Variants in SLC13A3 observed in about 807,000 individuals in gnomAD.
SLC13A3 encodes Na(+)/dicarboxylate cotransporter 3.
SLC13A3 carries 40 observed loss-of-function variants against 59.0 expected under a neutral mutation model. The ratio of observed to expected loss-of-function variants is 0.68; its 90% confidence interval spans 0.53 to 0.88. The LOEUF (loss-of-function observed/expected upper bound fraction) is 0.88, where lower values mean the gene tolerates loss of function less well. Ranked by LOEUF, SLC13A3 falls within the 40% of genes least tolerant of loss-of-function variation. The probability of loss-of-function intolerance (pLI) is 0.00; values close to 1 mark genes in which losing one functional copy is unlikely to be tolerated. For synonymous variants in SLC13A3, 317 were observed against 330.3 expected (o/e 0.96, Z 0.44); for missense variants, 699 against 783.2 (o/e 0.89, Z 1.28).
intron 1 of SLC13A3, among the ~76,000 whole-genome samples, chr20:46,640,275 C>T (rs534177599): frequency 5.8e-4 from 88 of 152,274 alleles, no homozygotes; most frequent in African/African-American, 2.1e-3. Context: ...TCGAAGTCCT[C>T]TCTCTGCGCA....
chr20:46,623,838 A>G (rs968925300), intron 1 of SLC13A3, among the ~76,000 whole-genome samples: 2 of 152,228 alleles, frequency 1.3e-5, no homozygotes, highest in Non-Finnish European at 2.9e-5. Flanking sequence ...GCTCTATTTT[A>G]CTGATGGGAC....
At position 46,648,401 on chromosome 20, in the gene SLC13A3, T is replaced by C. The variant is rs147780628; in HGVS notation, c.111+2910A>G. ...TGACAATCATATAAATATTGTTATA[T>C]GGGAGAGGAGGCTTCAGGTATGCCA... On this transcript the variant is annotated intron_variant, in intron 1 of 12. Transcript: ENST00000279027. Among the ~76,000 whole-genome samples, 925 of 152,256 alleles carry C rather than the reference T, an allele frequency of 6.1e-3. 14 individuals are homozygous for C. Among genetic ancestry groups the C allele is most frequent in the African/African-American group, 0.021 (872 of 41,528 alleles).
At chr20:46,620,601 A>T (rs1042944989) in intron 1 of SLC13A3, among the ~76,000 whole-genome samples, 1 of 152,214 alleles carries the variant, frequency 6.6e-6, no homozygotes, top group Non-Finnish European at 1.5e-5. Context: ...CAAATGGATA[A>T]TTTGTTTTAG....
intron 9 of SLC13A3, among the ~76,000 whole-genome samples, chr20:46,579,622 A>T (rs2745734): frequency 0.011 from 1,673 of 152,318 alleles, 34 homozygotes; most frequent in African/African-American, 0.039. Flanking sequence ...CCCACTGGGA[A>T]ATGCTGGAAA....
intron 4 of SLC13A3, among the ~76,000 whole-genome samples, chr20:46,598,893 C>G (rs781125216): frequency 6.6e-6 from 1 of 152,070 alleles, no homozygotes; most frequent in Non-Finnish European, 1.5e-5. Flanking sequence ...GTTCTTTGAC[C>G]TCTCAGGAGC....
chr20:46,591,561 G>A lies in SLC13A3; in HGVS notation c.920+843C>T, dbSNP rs1486432533. Among the ~76,000 whole-genome samples the A allele has an allele frequency of 2.6e-5, 4 of 152,232 alleles. No individual in the cohort carries two copies. In the South Asian group the frequency reaches 6.2e-4, roughly 24 times the overall value. Reference sequence around the variant, plus strand: ...TGGGTCTGAAGCTTGCTCTTTCTTCGTTTAGAGGTTGATTTGGAAATGTTA... The same window carrying A: ...TGGGTCTGAAGCTTGCTCTTTCTTCATTTAGAGGTTGATTTGGAAATGTTA... On this transcript the variant is annotated intron_variant, in intron 6 of 12. Coordinates refer to ENST00000279027, the MANE Select transcript of SLC13A3 (RefSeq NM_022829.6).
At chr20:46,592,625 G>A in intron 5 of SLC13A3, 96 bp from the exon 6 acceptor site, 1 of 1,202,334 alleles carries the variant, frequency 8.3e-7, no homozygotes. Flanking sequence ...CAGCGGGGAG[G>A]AGGAATGAGA....
intron 8 of SLC13A3, chr20:46,585,486 G>A: frequency 1.0e-6 from 1 of 992,908 alleles, no homozygotes; most frequent in South Asian, 4.3e-5. Context: ...TCTTTTAATA[G>A]GGTTCTAAAA....
In SLC13A3 at chr20:46,599,056, G is replaced by A. The variant is rs553478526; in HGVS notation, c.608+915C>T. Among the ~76,000 whole-genome samples the A allele has an allele frequency of 5.3e-5, 8 of 152,042 alleles. No homozygotes were observed. The East Asian group carries it at 7.8e-4, about 15-fold the overall frequency. On this transcript the variant is annotated intron_variant, in intron 4 of 12. Transcript: ENST00000279027. ...ACTGCCCCTTCCCAATTACCAGCTC[G>A]CCTCCCCCACCCTTTTCCTGCTTTG...
chr20:46,652,161 G>A (rs2062956321), upstream of SLC13A3, among the ~76,000 whole-genome samples: 1 of 152,094 alleles, frequency 6.6e-6, no homozygotes, highest in Non-Finnish European at 1.5e-5. Context: ...CCTGGATGAC[G>A]AAATAATCTG....
Position 46,656,614 on chromosome 20 carries a change from T to C in SLC13A3, c.-31+13429A>G, listed in dbSNP as rs545933977. 3.7e-3 allele frequency among the ~76,000 whole-genome samples: 536 copies of C among 145,936 alleles called. 19 individuals are homozygous for C. The highest frequency in any genetic ancestry group is 0.013 in the African/African-American group (508 of 38,370). ...ACTGTATATGATATATACTATAGTGTATATATTATACTGTATATGATATAT... is the reference window on the plus strand; with the variant it reads ...ACTGTATATGATATATACTATAGTGCATATATTATACTGTATATGATATAT... On this transcript the variant is annotated intron_variant, in intron 1 of 12. Transcript: ENST00000290317.
chr20:46,651,035 C>T (rs1037778087), intron 1 of SLC13A3, among the ~76,000 whole-genome samples: 18 of 152,080 alleles, frequency 1.2e-4, no homozygotes, highest in Non-Finnish European at 2.1e-4. Context: ...CCTGGGTGAC[C>T]GGCGAGAACC....
chr20:46,661,282 G>A (rs527880547), intron 1 of SLC13A3, among the ~76,000 whole-genome samples: 1 of 152,310 alleles, frequency 6.6e-6, no homozygotes, highest in South Asian at 2.1e-4. Context: ...AAAACCGATA[G>A]AGTATGGAAT....
intron 1 of SLC13A3, among the ~76,000 whole-genome samples, chr20:46,658,977 T>C (rs1240425639): frequency 6.6e-6 from 1 of 152,230 alleles, no homozygotes; most frequent in African/African-American, 2.4e-5. Flanking sequence ...ATAGCCACAA[T>C]AGTTTTCTTA....
chr20:46,640,738 GAC>G (rs1189606202), intron 1 of SLC13A3, among the ~76,000 whole-genome samples: 1 of 152,114 alleles, frequency 6.6e-6, no homozygotes, highest in African/African-American at 2.4e-5. Context: ...AAGCAGTTTG[GAC>G]ACACGTGTCT....
chr20:46,661,411 C>A (rs1310133238), intron 1 of SLC13A3, among the ~76,000 whole-genome samples: 1 of 152,176 alleles, frequency 6.6e-6, no homozygotes, highest in Non-Finnish European at 1.5e-5. Flanking sequence ...TGTTTCAGTT[C>A]ATCACTGGCT....
At chr20:46,673,429 G>A (rs192864696), upstream of SLC13A3, among the ~76,000 whole-genome samples, 199 of 152,238 alleles carry the variant, frequency 1.3e-3, 1 homozygote, top group African/African-American at 4.6e-3. Context: ...CCATTGCTGG[G>A]GGCTGTCCTC....
intron 10 of SLC13A3, among the ~76,000 whole-genome samples, chr20:46,566,812 AT>A (rs2061985147): frequency 6.7e-6 from 1 of 149,706 alleles, no homozygotes; most frequent in Admixed American, 6.7e-5. Flanking sequence ...TATAATTATT[AT>A]TTAATAATAT....
At chr20:46,631,060 T>C (rs1457247933) in intron 1 of SLC13A3, among the ~76,000 whole-genome samples, 1 of 152,248 alleles carries the variant, frequency 6.6e-6, no homozygotes. Flanking sequence ...TTCATAAAGC[T>C]GGGCTTCAAA....
Sources: gnomAD v4.1 joint callset for allele counts (sites outside exome capture counted in the v4.1 genomes callset) on GRCh38, gnomAD v4.1.1 for gene constraint, MANE v1.5 for transcripts, NCBI Gene and HGNC (gene_info 2026-07-23, HGNC 2026-07-21) for gene names.